KAZN: variants seen among roughly 807,000 people sequenced by gnomAD.
KAZN encodes the protein kazrin.
Under a neutral mutation model 87.4 loss-of-function variants are expected in KAZN, and 40 were observed. That is an observed-to-expected ratio of 0.46 (90% CI 0.36 to 0.60). The LOEUF is 0.60. Among genes scored for constraint, KAZN ranks in the 20% least tolerant of loss-of-function variants. The pLI is 0.00. For missense variants in KAZN, 898 were observed against 1,073.9 expected, an observed-to-expected ratio of 0.84 and a Z score of 2.29; for synonymous variants, 466 against 458.3, an observed-to-expected ratio of 1.02 and a Z score of -0.22.
chr1:14,898,189 C>T (rs750470625), intron 1 of KAZN, among the ~76,000 whole-genome samples: 1 of 152,144 alleles, frequency 6.6e-6, no homozygotes, highest in Non-Finnish European at 1.5e-5. Flanking sequence ...CTTCCACCCA[C>T]GCACATTCCA....
At chr1:14,673,555 A>G (rs138254383) in intron 1 of KAZN, among the ~76,000 whole-genome samples, 17 of 152,268 alleles carry the variant, frequency 1.1e-4, no homozygotes, top group Non-Finnish European at 1.5e-4. Context: ...CATCAGGGCC[A>G]GCCCCTGCAT....
At chr1:14,054,840 A>G (rs749763457) in intron 1 of KAZN, among the ~76,000 whole-genome samples, 1 of 152,240 alleles carries the variant, frequency 6.6e-6, no homozygotes, top group Non-Finnish European at 1.5e-5. Context: ...AGAGAAGCAC[A>G]TAAGCTAGTG....
At chr1:14,736,936 C>T (rs544100572) in intron 1 of KAZN, among the ~76,000 whole-genome samples, 1 of 152,212 alleles carries the variant, frequency 6.6e-6, no homozygotes, top group East Asian at 1.9e-4. Context: ...GAGAACAAAA[C>T]AGACCAAAAT....
Position 13,974,126 on chromosome 1 carries a change from T to C in KAZN, c.91+80370T>C, listed in dbSNP as rs572642277. Reference sequence around the variant, plus strand: ...GGATTGTGACAATGTGTGTGAAATGTTATCAAACCAGGAATTTGTAAGAGA... The same window carrying C: ...GGATTGTGACAATGTGTGTGAAATGCTATCAAACCAGGAATTTGTAAGAGA... On this transcript the variant is annotated intron_variant, in intron 1 of 16. Transcript: ENST00000636203. Among the ~76,000 whole-genome samples, 5 of 152,354 alleles carry C rather than the reference T, an allele frequency of 3.3e-5. No homozygotes were observed. In the East Asian group the frequency reaches 9.6e-4, roughly 29 times the overall value.
chr1:14,186,058 A>G (rs1212800491), intron 2 of KAZN, among the ~76,000 whole-genome samples: 1 of 152,166 alleles, frequency 6.6e-6, no homozygotes, highest in Non-Finnish European at 1.5e-5. Context: ...AGTGTCTATC[A>G]AACTGGTCCA....
At chr1:14,675,420 C>T (rs1204438272) in intron 1 of KAZN, among the ~76,000 whole-genome samples, 1 of 152,188 alleles carries the variant, frequency 6.6e-6, no homozygotes, top group Non-Finnish European at 1.5e-5. Context: ...ATATTTCCCT[C>T]TTATTTTCAC....
chr1:14,688,284 C>T (rs1572227232), intron 1 of KAZN, among the ~76,000 whole-genome samples: 2 of 152,206 alleles, frequency 1.3e-5, no homozygotes, highest in African/African-American at 4.8e-5. Flanking sequence ...GGCACTTTCC[C>T]TCGCTGGGCC....
At chr1:14,580,615 G>A (rs1250316441) in intron 2 of KAZN, among the ~76,000 whole-genome samples, 3 of 152,206 alleles carry the variant, frequency 2.0e-5, no homozygotes, top group African/African-American at 7.2e-5. Context: ...CTGTGAGTTG[G>A]ACAAGTTGTG....
At chr1:14,252,223 T>C in intron 2 of KAZN, among the ~76,000 whole-genome samples, 1 of 152,222 alleles carries the variant, frequency 6.6e-6, no homozygotes, top group East Asian at 1.9e-4. Flanking sequence ...CTCCATTTGG[T>C]TTCTGTTTTG....
intron 10 of KAZN, among the ~76,000 whole-genome samples, chr1:15,100,053 G>A (rs1001902762): frequency 2.6e-5 from 4 of 152,090 alleles, no homozygotes; most frequent in African/African-American, 9.7e-5. Flanking sequence ...GACAGCTAGA[G>A]GCTGAGAGAG....
chr1:14,307,866 A>T (rs1358802835), intron 2 of KAZN, among the ~76,000 whole-genome samples: 2 of 152,240 alleles, frequency 1.3e-5, no homozygotes, highest in African/African-American at 4.8e-5. Context: ...CTTTGCATCG[A>T]AGCAAACTGC....
Position 14,551,288 on chromosome 1 carries a change from C to T in KAZN, c.250-47695C>T, listed in dbSNP as rs116734042. Reference sequence around the variant, plus strand: ...GCCACTGATCACAGGGAAAATTATTCGCCTTTCCTCTTCCTTGCTATGAGG... The same window carrying T: ...GCCACTGATCACAGGGAAAATTATTTGCCTTTCCTCTTCCTTGCTATGAGG... On this transcript the variant is annotated intron_variant, in intron 2 of 16. Transcript: ENST00000636203. 6.0e-3 allele frequency among the ~76,000 whole-genome samples: 919 copies of T among 152,286 alleles called. 5 individuals are homozygous for T. Among genetic ancestry groups the T allele is most frequent in the Admixed American group, 9.7e-3 (148 of 15,296 alleles).
intron 1 of KAZN, among the ~76,000 whole-genome samples, chr1:14,934,134 C>T (rs7525691): frequency 0.11 from 16,053 of 151,592 alleles, 1,056 homozygotes; most frequent in East Asian, 0.28. Flanking sequence ...GGATTACAGG[C>T]GTGAGCCACC....
chr1:14,039,464 G>A (rs189549187), intron 1 of KAZN, among the ~76,000 whole-genome samples: 37 of 152,266 alleles, frequency 2.4e-4, no homozygotes, highest in African/African-American at 8.7e-4. Context: ...GTTCTGAGAC[G>A]ACCCTAACAT....
intron 1 of KAZN, among the ~76,000 whole-genome samples, chr1:14,807,210 G>A (rs995601414): frequency 6.6e-6 from 1 of 152,210 alleles, no homozygotes; most frequent in African/African-American, 2.4e-5. Flanking sequence ...ACAGCTTCCT[G>A]ACTGTGGCAG....
intron 1 of KAZN, among the ~76,000 whole-genome samples, chr1:14,956,890 T>C (rs1026867063): frequency 6.6e-6 from 1 of 152,170 alleles, no homozygotes; most frequent in Non-Finnish European, 1.5e-5. Context: ...CCTCCTGTTC[T>C]TCCTCACCTG....
At chr1:14,394,107 T>G (rs10927422) in intron 2 of KAZN, among the ~76,000 whole-genome samples, 4,679 of 152,252 alleles carry the variant, frequency 0.031, 248 homozygotes, top group African/African-American at 0.11. Context: ...GAACCTTTTT[T>G]ATGGTGAGGA....
chr1:14,047,409 T>C (rs1391327477), intron 1 of KAZN, among the ~76,000 whole-genome samples: 4 of 152,198 alleles, frequency 2.6e-5, no homozygotes, highest in African/African-American at 9.7e-5. Flanking sequence ...CAGGAGCCCA[T>C]GGAACAGCAC....
chr1:14,744,693 G>A (rs1175772067), intron 1 of KAZN, among the ~76,000 whole-genome samples: 1 of 152,170 alleles, frequency 6.6e-6, no homozygotes, highest in African/African-American at 2.4e-5. Flanking sequence ...CTGTGATTAT[G>A]ACACTGTATT....
Sources: allele counts gnomAD v4.1 joint callset (sites outside exome capture counted in the v4.1 genomes callset), GRCh38; gene constraint gnomAD v4.1.1; transcripts MANE v1.5; gene names NCBI Gene and HGNC (gene_info 2026-07-23, HGNC 2026-07-21).